Variants in BIK observed in about 807,000 individuals in gnomAD.
BIK encodes the protein bcl-2-interacting killer.
BIK carries 14 observed loss-of-function variants against 12.1 expected under a neutral mutation model. The ratio of observed to expected loss-of-function variants is 1.16; its 90% CI spans 0.77 to 1.81. BIK has a LOEUF of 1.81. Among genes scored for constraint, BIK ranks in the 40% most tolerant of loss-of-function variants. The pLI is 0.00. For missense variants in BIK, 215 were observed against 207.9 expected, an observed-to-expected ratio of 1.03 and a Z score of -0.21; for synonymous variants, 86 against 92.3, an observed-to-expected ratio of 0.93 and a Z score of 0.39.
intron 2 of BIK, among the ~76,000 whole-genome samples, chr22:43,127,350 C>T (rs1385341695): frequency 6.6e-6 from 1 of 152,150 alleles, no homozygotes; most frequent in Non-Finnish European, 1.5e-5. Flanking sequence ...TGTCCATTCC[C>T]CTTGGTCAGC....
chr22:43,129,427 A>T lies in BIK; in HGVS notation c.*122A>T, dbSNP rs1189610062. 7.1e-7 allele frequency: 1 copy of T among 1,399,714 alleles called. No individual in the cohort carries two copies. The highest frequency in any genetic ancestry group is 2.8e-5 in the Admixed American group (1 of 35,242). 86.7% of individuals were successfully genotyped at this position (1,399,714 alleles called of 1,614,324 possible). On this transcript the variant is annotated 3_prime_UTR_variant, in exon 5 of 5. Transcript: ENST00000216115. ...GATGCCTTTTTATATTTAAACCCCG[A>T]GATAGTGCTGGAACACTGCTGAGGT... is the stretch of plus-strand genomic sequence containing the variant.
chr22:43,121,107 G>A (rs1310526431), intron 1 of BIK, among the ~76,000 whole-genome samples: 1 of 152,076 alleles, frequency 6.6e-6, no homozygotes, highest in African/African-American at 2.4e-5. Context: ...CCTGGGAGGC[G>A]GAGGTTGCAC....
At chr22:43,129,186 C>G in intron 4 of BIK, 27 bp from the exon 5 acceptor site, 2 of 1,602,460 alleles carry the variant, frequency 1.2e-6, no homozygotes, top group African/African-American at 1.3e-5. Flanking sequence ...CTGCCCCGAG[C>G]CTGACTCCTC....
In BIK at chr22:43,127,700, C is replaced by T. The variant is rs767540756; in HGVS notation, c.165C>T (p.Asp55=). ...CTCCTGTGTGTGCTCCCTGCAGTGA[C>T]GCATTGGCCCTGCGGCTGGCCTGCA... ...FDSLECMEGS[D]ALALRLACIG... is the part of the protein sequence containing the mutation. Residue 55 remains aspartate, a synonymous_variant, in exon 3 of 5, where the codon GAC becomes GAT. Coordinates refer to ENST00000216115, the MANE Select transcript of BIK (RefSeq NM_001197.5). 3.7e-5 allele frequency: 57 copies of T among 1,553,346 alleles called. No homozygotes were observed. The highest frequency in any genetic ancestry group is 5.5e-5 in the African/African-American group (4 of 73,336).
intron 1 of BIK, among the ~76,000 whole-genome samples, chr22:43,123,092 G>C (rs574289789): frequency 1.8e-4 from 27 of 152,304 alleles, no homozygotes; most frequent in African/African-American, 6.5e-4. Flanking sequence ...GAGGTAAATA[G>C]CATCTGCCAG....
At position 43,127,803 on chromosome 22, in the gene BIK, G is replaced by GCCTATGC. The variant is rs2147026149; in HGVS notation, c.260+17_260+23dup. ...CGAGGTGGCCATGCACAGGTAGCCG[G>GCCTATGC]CCTATGCCCTATGCCTCTACACCTG... is the stretch of plus-strand genomic sequence containing the variant. On this transcript the variant is annotated intron_variant, in intron 3 of 4. Transcript: ENST00000216115. 6.5e-7 allele frequency: 1 copy of GCCTATGC among 1,547,936 alleles called. No homozygotes were observed. The highest frequency in any genetic ancestry group is 1.2e-5 in the South Asian group (1 of 83,914).
intron 1 of BIK, among the ~76,000 whole-genome samples, chr22:43,122,943 G>C (rs1930246158): frequency 6.6e-6 from 1 of 152,150 alleles, no homozygotes; most frequent in Non-Finnish European, 1.5e-5. Context: ...TGGGTTACAT[G>C]GTTGTCACCA....
chr22:43,118,009 T>C (rs1341420927), intron 1 of BIK, among the ~76,000 whole-genome samples: 1 of 152,282 alleles, frequency 6.6e-6, no homozygotes, highest in East Asian at 1.9e-4. Flanking sequence ...ATTGTTAATT[T>C]ATTTTTAGAG....
At chr22:43,117,234 A>G (rs914896958) in intron 1 of BIK, among the ~76,000 whole-genome samples, 3 of 152,116 alleles carry the variant, frequency 2.0e-5, no homozygotes, top group African/African-American at 7.2e-5. Flanking sequence ...GAACACGCTG[A>G]GCACATTTTG....
chr22:43,112,982 T>C (rs1284013794), intron 1 of BIK, among the ~76,000 whole-genome samples: 1 of 152,124 alleles, frequency 6.6e-6, no homozygotes, highest in African/African-American at 2.4e-5. Context: ...GGGAGATGGA[T>C]CACCTGAGGT....
intron 1 of BIK, among the ~76,000 whole-genome samples, chr22:43,113,158 C>G (rs1601727018): frequency 6.6e-6 from 1 of 152,072 alleles, no homozygotes; most frequent in Non-Finnish European, 1.5e-5. Context: ...GAGCGGAGAT[C>G]ACACCATGGC....
chr22:43,115,425 G>C (rs982135656), intron 1 of BIK, among the ~76,000 whole-genome samples: 4 of 152,142 alleles, frequency 2.6e-5, no homozygotes, highest in African/African-American at 9.7e-5. Context: ...GCCAGGGTGA[G>C]CAGTCTTCAT....
In BIK at chr22:43,124,046, C is replaced by T; in HGVS notation, c.24C>T (p.Ser8=). The T allele has an allele frequency of 1.2e-6, 2 of 1,614,162 alleles. No homozygotes were observed. Among genetic ancestry groups the T allele is most frequent in the Non-Finnish European group, 1.7e-6 (2 of 1,180,030 alleles). Residue 8 remains serine, a synonymous_variant, in exon 2 of 5, where the codon TCC becomes TCT. Transcript: ENST00000216115. MSEVRPL[S]RDILMETLLY... The stretch of plus-strand genomic sequence containing the variant: ...AAATGTCTGAAGTAAGACCCCTCTC[C>T]AGAGACATCTTGATGGAGACCCTCC...
At chr22:43,115,511 GGAGTGCAGT>G (rs2147018227) in intron 1 of BIK, among the ~76,000 whole-genome samples, 1 of 152,244 alleles carries the variant, frequency 6.6e-6, no homozygotes, top group African/African-American at 2.4e-5. Flanking sequence ...CGCGGGGGCT[GGAGTGCAGT>G]GGCGCGATCT....
chr22:43,120,468 G>A (rs4988397), intron 1 of BIK, among the ~76,000 whole-genome samples: 24,364 of 152,184 alleles, frequency 0.16, 2,227 homozygotes, highest in African/African-American at 0.25. Context: ...GATTACAGGC[G>A]TGAGCCGCAC....
chr22:43,128,988 C>T (rs1930380283), intron 4 of BIK, among the ~76,000 whole-genome samples: 1 of 152,260 alleles, frequency 6.6e-6, no homozygotes. Context: ...CACCGGGTGT[C>T]TTTGCCTGTG....
chr22:43,113,104 T>C (rs375591036), intron 1 of BIK, among the ~76,000 whole-genome samples: 2 of 152,266 alleles, frequency 1.3e-5, no homozygotes, highest in African/African-American at 4.8e-5. Flanking sequence ...CTTGGGAGGC[T>C]GAGGCAGGAG....
At chr22:43,127,824 A>G (rs892474568) in intron 3 of BIK, 29 bp downstream of exon 3, 2 of 1,530,746 alleles carry the variant, frequency 1.3e-6, no homozygotes, top group African/African-American at 2.8e-5. Flanking sequence ...ATGCCTCTAC[A>G]CCTGGGGAGG....
chr22:43,125,375 C>T (rs1302061179), intron 2 of BIK, among the ~76,000 whole-genome samples: 1 of 152,140 alleles, frequency 6.6e-6, no homozygotes, highest in East Asian at 1.9e-4. Context: ...GATGGAGTCG[C>T]TCTGGTTCAA....
Sources: gnomAD v4.1 joint callset for allele counts (sites outside exome capture counted in the v4.1 genomes callset) on GRCh38, gnomAD v4.1.1 for gene constraint, MANE v1.5 for transcripts, NCBI Gene and HGNC (gene_info 2026-07-23, HGNC 2026-07-21) for gene names.